Variants in MASTL observed in about 807,000 individuals in gnomAD.
MASTL encodes serine/threonine-protein kinase greatwall.
MASTL carries 54 observed loss-of-function variants against 82.5 expected under a neutral mutation model. The ratio of observed to expected loss-of-function variants is 0.65; its 90% CI spans 0.53 to 0.82. The LOEUF is 0.82. Ranked by LOEUF, MASTL falls within the 40% of genes least tolerant of loss-of-function variation. The pLI, the probability that MASTL is intolerant of heterozygous loss-of-function variation, is 0.00. For synonymous variants in MASTL, 323 were observed against 368.9 expected (o/e 0.88, Z 1.43); for missense variants, 950 against 1,047.8 (o/e 0.91, Z 1.29).
Position 27,158,632 on chromosome 10 carries a change from C to T in MASTL, c.270C>T (p.Ser90=). 4.3e-6 allele frequency: 7 copies of T among 1,613,732 alleles called. No individual in the cohort carries two copies. Among genetic ancestry groups the T allele is most frequent in the Non-Finnish European group, 5.9e-6 (7 of 1,179,618 alleles). ...AERDALALSK[S]PFIVHLYYSL... ...GAGATGCACTGGCACTAAGCAAAAG[C>T]CCATTCATTGTCCATTTGTATTATT... is the stretch of plus-strand genomic sequence containing the variant. Residue 90 remains serine, a synonymous_variant, in exon 2 of 12, where the codon AGC becomes AGT. Transcript: ENST00000375940.
chr10:27,181,863 A>G (rs888122578), intron 11 of MASTL, among the ~76,000 whole-genome samples: 14 of 152,132 alleles, frequency 9.2e-5, no homozygotes, highest in Non-Finnish European at 1.5e-4. Flanking sequence ...TCACGAGATC[A>G]GGAGATCGAG....
chr10:27,186,046 G>A (rs1051066402), intron 11 of MASTL, among the ~76,000 whole-genome samples: 3 of 152,158 alleles, frequency 2.0e-5, no homozygotes, highest in Admixed American at 6.5e-5. Flanking sequence ...CAGAGATCGC[G>A]CCACTGCACT....
intron 1 of MASTL, 66 bp from the exon 2 acceptor site, chr10:27,158,483 G>A (rs2057464757): frequency 7.5e-7 from 1 of 1,330,732 alleles, no homozygotes; most frequent in Admixed American, 1.8e-5. Context: ...CTCAGCCTGG[G>A]CAAGAGAATG....
intron 11 of MASTL, among the ~76,000 whole-genome samples, chr10:27,184,618 T>C (rs537671439): frequency 1.5e-5 from 2 of 132,198 alleles, no homozygotes; most frequent in Non-Finnish European, 1.5e-5. Flanking sequence ...TGGAGTGCAG[T>C]GGCATGATCT....
Position 27,181,567 on chromosome 10 carries a change from G to A in MASTL, c.2468G>A (p.Arg823Lys). 6.2e-7 allele frequency: 1 copy of A among 1,606,256 alleles called. No individual in the cohort carries two copies. Among genetic ancestry groups the A allele is most frequent in the Non-Finnish European group, 8.5e-7 (1 of 1,173,288 alleles). Reference protein sequence around the residue: ...EILLTIDDTKRAGMKELKRHP... With the variant: ...EILLTIDDTKKAGMKELKRHP... ...CTTTTAACCATTGATGATACAAAGA[G>A]AGCTGGAATGAAAGGTATGGTTTTG... The change falls in exon 11 of 12, where the codon AGA (arginine) becomes AAA (lysine). Residue 823 changes from arginine to lysine, a missense_variant. Physicochemically the swap from Arg to Lys is conservative, Grantham distance 26. Transcript: ENST00000375940.
intron 6 of MASTL, among the ~76,000 whole-genome samples, chr10:27,166,097 C>G (rs913778908): frequency 6.6e-6 from 1 of 151,952 alleles, no homozygotes; most frequent in South Asian, 2.1e-4. Flanking sequence ...ATCCCAGCTA[C>G]TCAGGAGGTT....
Position 27,161,510 on chromosome 10 carries a change from A to C in MASTL, c.553+328A>C, listed in dbSNP as rs180748831. Among the ~76,000 whole-genome samples the C allele has an allele frequency of 1.2e-3, 181 of 146,560 alleles. 1 individual carries two copies. In the East Asian group the frequency reaches 0.017, roughly 14 times the overall value. On this transcript the variant is annotated intron_variant, in intron 4 of 11. Transcript: ENST00000375940. ...GGAAACAAAGTGAAAATCTCTCTCA[A>C]AAAAAAAAAAGTCCAACTAAAAATA...
rs2057500597 is a variant in MASTL at position 27,159,508 on chromosome 10, G to T, written c.325-111G>T. On this transcript the variant is annotated intron_variant, in intron 2 of 11. Coordinates refer to ENST00000375940, the MANE Select transcript of MASTL (RefSeq NM_001172303.3). The surrounding 1 kb of genome is among the most constrained non-coding windows in gnomAD (Gnocchi z 4.0). Reference sequence around the variant, plus strand: ...GTATTACGAGTAATAGCAAGAAAAGGTCGTTTCATTACAGAGCCATGCCAA... The same window carrying T: ...GTATTACGAGTAATAGCAAGAAAAGTTCGTTTCATTACAGAGCCATGCCAA... The T allele has an allele frequency of 4.2e-6, 3 of 706,706 alleles. No individual in the cohort carries two copies. Among genetic ancestry groups the T allele is most frequent in the South Asian group, 3.4e-5 (2 of 58,630 alleles). The allele number at this position is 706,706 out of a possible 1,614,324, so 43.8% of individuals were successfully genotyped here. A position where few individuals can be genotyped will look rare whatever the true frequency, so the allele number is the denominator to read the frequency against.
In MASTL at chr10:27,171,065, A is replaced by C; in HGVS notation, c.2106A>C (p.Arg702Ser). 9 of 1,613,994 alleles carry C rather than the reference A, an allele frequency of 5.6e-6. No individual in the cohort carries two copies. The highest frequency in any genetic ancestry group is 1.3e-5 in the African/African-American group (1 of 75,042). The change falls in exon 8 of 12, where the codon AGA becomes AGC. Residue 702 changes from arginine to serine, a missense_variant. By Grantham distance (110) the Arg-to-Ser change is moderately radical. Transcript: ENST00000375940. ...CTATAACCCCTACTCAAAAAAGAAG[A>C]TCCTGTATGCCACATCAGGTATATT... Reference protein sequence around the residue: ...PMAITPTQKRRSCMPHQQTPN... With the variant: ...PMAITPTQKRSSCMPHQQTPN...
intron 9 of MASTL, among the ~76,000 whole-genome samples, chr10:27,175,570 T>G (rs2058077962): frequency 6.6e-6 from 1 of 152,174 alleles, no homozygotes; most frequent in Non-Finnish European, 1.5e-5. Context: ...GTTGCTGCTC[T>G]TCAGTTCCTT....
chr10:27,173,090 G>GT, intron 8 of MASTL, 28 bp from the exon 9 acceptor site: 2 of 1,612,404 alleles, frequency 1.2e-6, no homozygotes, highest in South Asian at 2.2e-5. Flanking sequence ...TAAGATATTT[G>GT]TTATCTCTTA....
In MASTL at chr10:27,159,552, C is replaced by T; in HGVS notation, c.325-67C>T. On this transcript the variant is annotated intron_variant, in intron 2 of 11. Coordinates refer to ENST00000375940, the MANE Select transcript of MASTL (RefSeq NM_001172303.3). The surrounding 1 kb of genome is among the most constrained non-coding windows in gnomAD (Gnocchi z 4.0). ...ATGCCAAATATTGTAACTGTAATGCCCAAATACTAGATTTTTAAAGTAATC... is the reference window on the plus strand; with the variant it reads ...ATGCCAAATATTGTAACTGTAATGCTCAAATACTAGATTTTTAAAGTAATC... The T allele has an allele frequency of 8.6e-7, 1 of 1,164,170 alleles. No homozygotes were observed. The highest frequency in any genetic ancestry group is 2.4e-5 in the East Asian group (1 of 40,998). 72.1% of individuals were successfully genotyped at this position (1,164,170 alleles called of 1,614,324 possible).
chr10:27,170,385 T>G lies in MASTL; in HGVS notation c.1426T>G (p.Cys476Gly). Residue 476 changes from cysteine to glycine, a missense_variant, in exon 8 of 12, where the codon TGT becomes GGT. By Grantham distance (159) the Cys-to-Gly change is radical. Coordinates refer to ENST00000375940, the MANE Select transcript of MASTL (RefSeq NM_001172303.3). Reference protein sequence around the residue: ...VEYKHNEMTNCYTNQNTGLTV... With the variant: ...VEYKHNEMTNGYTNQNTGLTV... ...GTATAAGCATAACGAAATGACAAAT[T>G]GTTATACAAATCAAAATACAGGCTT... 1 of 1,613,942 alleles carries G rather than the reference T, an allele frequency of 6.2e-7. No homozygotes were observed. The highest frequency in any genetic ancestry group is 8.5e-7 in the Non-Finnish European group (1 of 1,179,852).
At chr10:27,171,821 G>GTTTATTTTTT (rs1176510939) in intron 8 of MASTL, among the ~76,000 whole-genome samples, 2 of 71,244 alleles carry the variant, frequency 2.8e-5, no homozygotes, top group East Asian at 4.0e-4. Flanking sequence ...TGAAAAATAT[G>GTTTATTTTTT]TTTCTTTTTT....
chr10:27,186,176 A>C (rs946648543), intron 11 of MASTL, among the ~76,000 whole-genome samples: 13 of 152,226 alleles, frequency 8.5e-5, no homozygotes, highest in Admixed American at 7.9e-4. Flanking sequence ...GGCACCTGTC[A>C]TATGCCAAGT....
intron 4 of MASTL, 98 bp from the exon 5 acceptor site, chr10:27,164,965 AC>A: frequency 1.2e-6 from 1 of 819,914 alleles, no homozygotes; most frequent in Non-Finnish European, 2.1e-6. Flanking sequence ...CATTTGGTTT[AC>A]AAAAAATTGT....
chr10:27,170,040 A>C lies in MASTL; in HGVS notation c.1081A>C (p.Asn361His). 1.2e-6 allele frequency: 2 copies of C among 1,614,220 alleles called. No individual in the cohort carries two copies. Among genetic ancestry groups the C allele is most frequent in the Non-Finnish European group, 1.7e-6 (2 of 1,180,028 alleles). Residue 361 changes from asparagine to histidine, a missense_variant, in exon 8 of 12, where the codon AAT becomes CAT. Transcript: ENST00000375940. Reference protein sequence around the residue: ...SANAIETKGFNKKDLELALSP... With the variant: ...SANAIETKGFHKKDLELALSP... ...AAATGCCATTGAGACGAAAGGTTTC[A>C]ATAAAAAGGATCTGGAGTTAGCTCT...
At chr10:27,173,871 A>G (rs1487547697) in intron 9 of MASTL, among the ~76,000 whole-genome samples, 1 of 151,632 alleles carries the variant, frequency 6.6e-6, no homozygotes, top group African/African-American at 2.4e-5. Flanking sequence ...GAGCCACCGT[A>G]CCCGGCCTAT....
rs773419585 is a variant in MASTL, at chr10:27,170,149, T to C, written c.1190T>C (p.Val397Ala). The C allele has an allele frequency of 1.2e-6, 2 of 1,614,042 alleles. No homozygotes were observed. ...NLAKKCFSGE[V>A]SWEAVELDVN... ...GCTAAAAAATGCTTCTCTGGGGAAG[T>C]TTCTTGGGAAGCAGTAGAACTGGAT... The change falls in exon 8 of 12, where the codon GTT (valine) becomes GCT (alanine). Residue 397 changes from valine to alanine, a missense_variant. Transcript: ENST00000375940.
Sources: gnomAD v4.1 joint callset for allele counts (sites outside exome capture counted in the v4.1 genomes callset) on GRCh38, gnomAD v4.1.1 for gene constraint, Gnocchi (gnomAD v3.1) non-coding constraint, MANE v1.5 for transcripts, NCBI Gene and HGNC (gene_info 2026-07-23, HGNC 2026-07-21) for gene names.